The following PCDHGA7 variants were observed in gnomAD, a reference collection of about 807,000 sequenced individuals.
PCDHGA7 encodes the protein protocadherin gamma-A7.
In PCDHGA7, 44 loss-of-function variants were observed where a neutral mutation model predicts 58.3. That is an observed-to-expected ratio of 0.75 (90% CI 0.59 to 0.97). PCDHGA7 has a LOEUF of 0.97. Among genes scored for constraint, PCDHGA7 ranks in the 50% least tolerant of loss-of-function variants. The probability of loss-of-function intolerance (pLI) is 0.00; values close to 1 mark genes in which losing one functional copy is unlikely to be tolerated. For missense variants in PCDHGA7, 1,266 were observed against 1,188.7 expected (o/e 1.06, Z -0.96); for synonymous variants, 516 against 504.2 (o/e 1.02, Z -0.31).
chr5:141,434,920 A>C (rs927245955), intron 1 of PCDHGA7, among the ~76,000 whole-genome samples: 1 of 151,796 alleles, frequency 6.6e-6, no homozygotes. Flanking sequence ...ATTTATGTAC[A>C]TATATTTTAT....
Position 141,491,713 on chromosome 5 carries a change from G to T in PCDHGA7, c.2425-3094G>T. The T allele has an allele frequency of 6.2e-7, 1 of 1,609,174 alleles. No individual in the cohort carries two copies. The highest frequency in any genetic ancestry group is 8.5e-7 in the Non-Finnish European group (1 of 1,178,054). On this transcript the variant is annotated intron_variant, in intron 1 of 3. Transcript: ENST00000518325. The surrounding 1 kb of genome is among the most constrained non-coding windows in gnomAD (Gnocchi z 6.9). ...GGAGCGGAGCCAGGTGAGGGGCTCG[G>T]CGCCGCCCCGGGCGACCCCTGGGGG...
chr5:141,506,801 C>A (rs1322016728), intron 3 of PCDHGA7, among the ~76,000 whole-genome samples: 2 of 152,166 alleles, frequency 1.3e-5, no homozygotes, highest in Non-Finnish European at 2.9e-5. Flanking sequence ...GGCAGAGGAT[C>A]AAGGCATTGC....
rs1028054307 is a variant in PCDHGA7 at position 141,417,708 on chromosome 5, G to A, written c.2424+32385G>A. The A allele has an allele frequency of 2.4e-5, 29 of 1,227,762 alleles. No homozygotes were observed. In the South Asian group the frequency reaches 2.9e-4, roughly 12 times the overall value. 76.1% of individuals were successfully genotyped at this position (1,227,762 alleles called of 1,614,324 possible). On this transcript the variant is annotated intron_variant, in intron 1 of 3. Transcript: ENST00000518325. ...AAAGAAAACCAGCTCCCACACAGAG[G>A]CTCCCGGCTGCGCAGACCTTGCCCA... is the stretch of plus-strand genomic sequence containing the variant.
intron 1 of PCDHGA7, chr5:141,389,390 C>G: frequency 2.5e-6 from 4 of 1,613,718 alleles, no homozygotes; most frequent in Non-Finnish European, 3.4e-6. Context: ...TGTCATCCTA[C>G]GTGTCCATAA....
chr5:141,409,178 G>A, intron 1 of PCDHGA7: 1 of 1,613,994 alleles, frequency 6.2e-7, no homozygotes, highest in Non-Finnish European at 8.5e-7. Context: ...GGACGGAGGT[G>A]GTCTCTCTAC....
rs2099416627 is a variant in PCDHGA7 at position 141,477,726 on chromosome 5, C to T, written c.2425-17081C>T. 6.2e-7 allele frequency: 1 copy of T among 1,613,822 alleles called. No homozygotes were observed. The highest frequency in any genetic ancestry group is 8.5e-7 in the Non-Finnish European group (1 of 1,180,020). ...GATCGGCGGGAATTTGAATTAACAG[C>T]TCATATCAGCGATGGGGGCACCCCG... On this transcript the variant is annotated intron_variant, in intron 1 of 3. Coordinates refer to ENST00000518325, the MANE Select transcript of PCDHGA7 (RefSeq NM_018920.4). This position sits in a 1 kb window ranked among gnomAD's most constrained non-coding sequence, Gnocchi z 4.9.
At chr5:141,389,939 G>A in intron 1 of PCDHGA7, 1 of 1,614,082 alleles carries the variant, frequency 6.2e-7, no homozygotes, top group Non-Finnish European at 8.5e-7. Context: ...TCCAGGCTGA[G>A]CTGCAGTTTT....
intron 1 of PCDHGA7, among the ~76,000 whole-genome samples, chr5:141,447,244 A>T (rs1475037979): frequency 6.6e-6 from 1 of 152,062 alleles, no homozygotes; most frequent in Non-Finnish European, 1.5e-5. Flanking sequence ...GGTTCAAGTG[A>T]TTCTTCTGTC....
intron 1 of PCDHGA7, chr5:141,390,297 G>A (rs1313373310): frequency 6.2e-7 from 1 of 1,613,826 alleles, no homozygotes; most frequent in East Asian, 2.2e-5. Context: ...TTTCCTTTAA[G>A]TATAATTTAA....
chr5:141,431,660 A>G lies in PCDHGA7; in HGVS notation c.2424+46337A>G. On this transcript the variant is annotated intron_variant, in intron 1 of 3. Transcript: ENST00000518325. This position sits in a 1 kb window ranked among gnomAD's most constrained non-coding sequence, Gnocchi z 4.8. ...CAAACTAGATTGTAATTCAGGGACA[A>G]TATCAACAATAGGGGAGTTGGACCA... 7 of 1,614,256 alleles carry G rather than the reference A, an allele frequency of 4.3e-6. No individual in the cohort carries two copies. The highest frequency in any genetic ancestry group is 5.1e-6 in the Non-Finnish European group (6 of 1,180,046).
At chr5:141,390,334 A>T (rs764594293) in intron 1 of PCDHGA7, 1 of 1,597,538 alleles carries the variant, frequency 6.3e-7, no homozygotes, top group Non-Finnish European at 8.5e-7. Flanking sequence ...ATTTCTCCAT[A>T]TTCACAAGAA....
chr5:141,427,616 C>T (rs922511046), intron 1 of PCDHGA7: 1 of 693,880 alleles, frequency 1.4e-6, no homozygotes, highest in Non-Finnish European at 2.6e-6. Context: ...GTGAAGTCAA[C>T]GACAATGCTC....
intron 1 of PCDHGA7, among the ~76,000 whole-genome samples, chr5:141,397,708 T>A (rs1409305799): frequency 6.6e-6 from 1 of 152,250 alleles, no homozygotes; most frequent in East Asian, 1.9e-4. Context: ...ACGTGATATT[T>A]CTAACAATTT....
chr5:141,408,641 T>C, intron 1 of PCDHGA7: 1 of 1,614,034 alleles, frequency 6.2e-7, no homozygotes, highest in Non-Finnish European at 8.5e-7. Context: ...CGAATCTGCA[T>C]CCGCTGGTAC....
At position 141,438,611 on chromosome 5, in the gene PCDHGA7, TATATATATATATATATATATATATACAC is replaced by T. The variant is rs1434670383; in HGVS notation, c.2424+53290_2424+53317del. On this transcript the variant is annotated intron_variant, in intron 1 of 3. Transcript: ENST00000518325. ...ACATACATATATATATATATATATA[TATATATATATATATATATATATATACAC>T]ACACACACACACATATATGTATATA... Among the ~76,000 whole-genome samples the T allele has an allele frequency of 2.7e-3, 107 of 39,370 alleles. 2 individuals are homozygous for T. Among genetic ancestry groups the T allele is most frequent in the Admixed American group, 0.019 (57 of 3,044 alleles). The allele number at this position is 39,370 out of a possible 152,430, so 25.8% of individuals were successfully genotyped here.
At position 141,485,682 on chromosome 5, in the gene PCDHGA7, A is replaced by T. The variant is rs779441999; in HGVS notation, c.2425-9125A>T. 6.2e-7 allele frequency: 1 copy of T among 1,613,958 alleles called. No individual in the cohort carries two copies. Among genetic ancestry groups the T allele is most frequent in the Non-Finnish European group, 8.5e-7 (1 of 1,179,972 alleles). On this transcript the variant is annotated intron_variant, in intron 1 of 3. Transcript: ENST00000518325. This position sits in a 1 kb window ranked among gnomAD's most constrained non-coding sequence, Gnocchi z 5.7. ...GTGGGGAGCAATTCGATTAGCAGCT[A>T]TAGGCTGAGCTCCAATGAACACTTT...
At chr5:141,472,172 T>A (rs548514406) in intron 1 of PCDHGA7, among the ~76,000 whole-genome samples, 11 of 152,326 alleles carry the variant, frequency 7.2e-5, no homozygotes, top group African/African-American at 2.6e-4. Context: ...AGGTGTAATA[T>A]CCAGTATTGG....
At chr5:141,413,805 C>T (rs772637762) in intron 1 of PCDHGA7, 1 of 1,613,166 alleles carries the variant, frequency 6.2e-7, no homozygotes, top group South Asian at 1.1e-5. Flanking sequence ...AGGAAGAGGC[C>T]ATTCACCACC....
intron 1 of PCDHGA7, among the ~76,000 whole-genome samples, chr5:141,483,722 C>G (rs1043315057): frequency 6.6e-6 from 1 of 152,080 alleles, no homozygotes; most frequent in Non-Finnish European, 1.5e-5. Context: ...TATTGGTTCC[C>G]ACCATAGTCA....
Sources: allele counts gnomAD v4.1 joint callset (sites outside exome capture counted in the v4.1 genomes callset), GRCh38; gene constraint gnomAD v4.1.1; non-coding constraint Gnocchi (gnomAD v3.1); transcripts MANE v1.5; gene names NCBI Gene and HGNC (gene_info 2026-07-23, HGNC 2026-07-21).